Variants in NLGN1 observed in about 807,000 individuals in gnomAD.
NLGN1 encodes the protein neuroligin 1.
NLGN1 carries 12 observed loss-of-function variants against 65.5 expected under a neutral mutation model. That is an observed-to-expected ratio of 0.18 (90% CI 0.12 to 0.30). The LOEUF (loss-of-function observed/expected upper bound fraction) is 0.30, where lower values mean the gene tolerates loss of function less well. Ranked by LOEUF, NLGN1 falls within the 10% of genes least tolerant of loss-of-function variation. The pLI, the probability that NLGN1 is intolerant of heterozygous loss-of-function variation, is 1.00. For missense variants in NLGN1, 750 were observed against 1,007.1 expected, an observed-to-expected ratio of 0.74 and a Z score of 3.46; for synonymous variants, 350 against 359.5, an observed-to-expected ratio of 0.97 and a Z score of 0.30.
chr3:174,265,615 T>A (rs1175756618), intron 4 of NLGN1, among the ~76,000 whole-genome samples: 1 of 151,846 alleles, frequency 6.6e-6, no homozygotes. Flanking sequence ...GTACCTCAGA[T>A]GGAAATGCAG....
intron 4 of NLGN1, among the ~76,000 whole-genome samples, chr3:173,996,086 A>T (rs1389179970): frequency 1.3e-5 from 2 of 152,202 alleles, no homozygotes; most frequent in African/African-American, 4.8e-5. Context: ...CAGTCTAAGC[A>T]TTAATGTATT....
At chr3:174,082,363 A>C (rs1414263151) in intron 4 of NLGN1, among the ~76,000 whole-genome samples, 1 of 152,164 alleles carries the variant, frequency 6.6e-6, no homozygotes, top group African/African-American at 2.4e-5. Flanking sequence ...AATTAAAAAA[A>C]CAAATAATAA....
At chr3:173,443,946 AT>A (rs1719692496) in intron 2 of NLGN1, among the ~76,000 whole-genome samples, 1 of 152,194 alleles carries the variant, frequency 6.6e-6, no homozygotes. Context: ...TTCTTGGATA[AT>A]AACCAACATA....
intron 4 of NLGN1, among the ~76,000 whole-genome samples, chr3:174,269,919 G>A (rs1482675731): frequency 6.6e-6 from 1 of 151,816 alleles, no homozygotes; most frequent in East Asian, 1.9e-4. Flanking sequence ...TTAATGATTA[G>A]TGATGTTGAA....
chr3:173,844,156 C>T (rs1014693439), intron 4 of NLGN1, among the ~76,000 whole-genome samples: 1 of 152,060 alleles, frequency 6.6e-6, no homozygotes, highest in African/African-American at 2.4e-5. Flanking sequence ...CAGGAAAAAC[C>T]CACCCCCATA....
intron 4 of NLGN1, among the ~76,000 whole-genome samples, chr3:173,909,957 C>T (rs1349326307): frequency 2.0e-5 from 3 of 152,120 alleles, no homozygotes; most frequent in Non-Finnish European, 4.4e-5. Context: ...GCATTACAGG[C>T]GTGAGCCATC....
chr3:173,594,114 A>G (rs1466961047), intron 2 of NLGN1, among the ~76,000 whole-genome samples: 1 of 152,100 alleles, frequency 6.6e-6, no homozygotes, highest in Non-Finnish European at 1.5e-5. Context: ...GCATTTCAAA[A>G]CCAATCATGC....
chr3:173,831,097 T>C (rs1378866758), intron 4 of NLGN1, among the ~76,000 whole-genome samples: 1 of 152,170 alleles, frequency 6.6e-6, no homozygotes, highest in Non-Finnish European at 1.5e-5. Flanking sequence ...ATTCCATCCA[T>C]GTTGTTGCAA....
At chr3:173,922,230 T>C (rs1160518912) in intron 4 of NLGN1, among the ~76,000 whole-genome samples, 1 of 152,110 alleles carries the variant, frequency 6.6e-6, no homozygotes, top group Non-Finnish European at 1.5e-5. Flanking sequence ...TTTATGTGTT[T>C]GATCAATTTT....
chr3:174,143,916 GT>G (rs1042343983), intron 4 of NLGN1, among the ~76,000 whole-genome samples: 3 of 151,786 alleles, frequency 2.0e-5, no homozygotes, highest in South Asian at 2.1e-4. Flanking sequence ...TCAATTGATA[GT>G]TTTTTTATTA....
At chr3:174,169,631 T>C (rs546125157) in intron 4 of NLGN1, among the ~76,000 whole-genome samples, 8 of 152,066 alleles carry the variant, frequency 5.3e-5, no homozygotes, top group African/African-American at 1.9e-4. Context: ...AATTTCTGCC[T>C]GGGAGTAGAG....
rs979267953 is a variant in NLGN1, at chr3:174,211,362, G to A, written c.647-63953G>A. On this transcript the variant is annotated intron_variant, in intron 4 of 6. Transcript: ENST00000457714. ...TGCGTTTACAATCCCTGAGCTAGGC[G>A]CAAAGGTTCTCCAGGTCCCCATCAG... 6.6e-4 allele frequency among the ~76,000 whole-genome samples: 100 copies of A among 152,000 alleles called. 2 individuals carry two copies. Among genetic ancestry groups the A allele is most frequent in the Admixed American group, 6.2e-3 (95 of 15,290 alleles).
intron 4 of NLGN1, among the ~76,000 whole-genome samples, chr3:173,927,530 A>G (rs1433765972): frequency 6.6e-6 from 1 of 152,136 alleles, no homozygotes; most frequent in African/African-American, 2.4e-5. Context: ...CTTCCTGGCT[A>G]CTATACACTT....
chr3:173,558,532 A>G (rs1437237869), intron 2 of NLGN1, among the ~76,000 whole-genome samples: 4 of 152,160 alleles, frequency 2.6e-5, no homozygotes, highest in Non-Finnish European at 4.4e-5. Flanking sequence ...TTCAGTTTGA[A>G]TAATTTTTAT....
At chr3:173,924,196 T>G (rs559840801) in intron 4 of NLGN1, among the ~76,000 whole-genome samples, 1 of 152,242 alleles carries the variant, frequency 6.6e-6, no homozygotes, top group Non-Finnish European at 1.5e-5. Context: ...ATAATAATTT[T>G]ACAAAAACCT....
At chr3:173,565,733 A>G (rs1743541932) in intron 2 of NLGN1, among the ~76,000 whole-genome samples, 1 of 152,216 alleles carries the variant, frequency 6.6e-6, no homozygotes, top group Non-Finnish European at 1.5e-5. Context: ...ACCAATTTAT[A>G]CTACCCCCAA....
intron 3 of NLGN1, among the ~76,000 whole-genome samples, chr3:173,614,751 C>A (rs992835533): frequency 2.0e-5 from 3 of 152,080 alleles, no homozygotes; most frequent in African/African-American, 7.2e-5. Context: ...GCTTCCTCAT[C>A]CCTCACACAT....
At chr3:173,889,381 G>A (rs1734925022) in intron 4 of NLGN1, among the ~76,000 whole-genome samples, 1 of 152,050 alleles carries the variant, frequency 6.6e-6, no homozygotes, top group African/African-American at 2.4e-5. Context: ...CCTCTAGCCA[G>A]CTACCTTCCA....
At chr3:173,434,721 T>C (rs1717789599) in intron 1 of NLGN1, among the ~76,000 whole-genome samples, 1 of 152,230 alleles carries the variant, frequency 6.6e-6, no homozygotes, top group Non-Finnish European at 1.5e-5. Flanking sequence ...AAAGGAGTTA[T>C]AAAGCCACTC....
Sources: gnomAD v4.1 joint callset for allele counts (sites outside exome capture counted in the v4.1 genomes callset) on GRCh38, gnomAD v4.1.1 for gene constraint, MANE v1.5 for transcripts, NCBI Gene and HGNC (gene_info 2026-07-23, HGNC 2026-07-21) for gene names.